Variants in DISC1 observed in about 807,000 individuals in gnomAD.
DISC1 encodes the protein disrupted in schizophrenia 1 protein.
Under a neutral mutation model 84.5 loss-of-function variants are expected in DISC1, and 57 were observed. That is an observed-to-expected ratio of 0.67 (90% CI 0.55 to 0.84). The LOEUF is 0.84. Ranked by LOEUF, DISC1 falls within the 40% of genes least tolerant of loss-of-function variation. DISC1 has a pLI of 0.00. For synonymous variants in DISC1, 411 were observed against 415.2 expected (o/e 0.99, Z 0.12); for missense variants, 1,000 against 1,057.8 (o/e 0.95, Z 0.76).
chr1:231,889,434 AT>A (rs2087036888), intron 9 of DISC1, among the ~76,000 whole-genome samples: 1 of 152,238 alleles, frequency 6.6e-6, no homozygotes, highest in South Asian at 2.1e-4. Context: ...GTAGAGTATC[AT>A]TTTCCAATCA....
At chr1:231,956,439 C>T (rs1391803355) in intron 9 of DISC1, among the ~76,000 whole-genome samples, 1 of 152,138 alleles carries the variant, frequency 6.6e-6, no homozygotes, top group Non-Finnish European at 1.5e-5. Context: ...ACATCTCCAT[C>T]ATCTTTTCCT....
intron 10 of DISC1, among the ~76,000 whole-genome samples, chr1:231,971,843 G>A (rs1234451665): frequency 6.6e-6 from 1 of 152,200 alleles, no homozygotes; most frequent in Non-Finnish European, 1.5e-5. Flanking sequence ...CACAAAAGCA[G>A]GGACTTTCAG....
intron 1 of DISC1, among the ~76,000 whole-genome samples, chr1:231,681,337 G>T (rs1419268639): frequency 6.6e-6 from 1 of 152,100 alleles, no homozygotes; most frequent in Non-Finnish European, 1.5e-5. Context: ...AGTTGAGACT[G>T]TATTGGTCAG....
chr1:231,653,939 C>T (rs527680010), intron 1 of DISC1, among the ~76,000 whole-genome samples: 8 of 152,196 alleles, frequency 5.3e-5, no homozygotes, highest in Non-Finnish European at 1.0e-4. Flanking sequence ...GAGCGGGCAG[C>T]ACAGTCATCA....
chr1:231,717,989 T>A (rs1416666233), intron 3 of DISC1, among the ~76,000 whole-genome samples: 1 of 152,170 alleles, frequency 6.6e-6, no homozygotes, highest in Non-Finnish European at 1.5e-5. Context: ...CCTCTTGCCA[T>A]ATCCCCTATT....
chr1:231,926,527 A>G (rs2126093772), intron 9 of DISC1, among the ~76,000 whole-genome samples: 1 of 152,280 alleles, frequency 6.6e-6, no homozygotes, highest in African/African-American at 2.4e-5. Context: ...TTGGATCTAG[A>G]GATGTAGCTG....
intron 9 of DISC1, chr1:231,945,182 C>T (rs1656917580): frequency 6.6e-6 from 1 of 152,176 alleles, no homozygotes; most frequent in African/African-American, 2.4e-5. Flanking sequence ...CCTCATCACA[C>T]TTATTCTAAA....
At chr1:231,828,313 A>C (rs534993895) in intron 9 of DISC1, among the ~76,000 whole-genome samples, 1 of 152,148 alleles carries the variant, frequency 6.6e-6, no homozygotes, top group East Asian at 1.9e-4. Context: ...GTATGTACCA[A>C]TCTTGTTGGG....
rs746443648 is a variant in DISC1, at chr1:232,036,820, G to A, written c.2554G>A (p.Ala852Thr). The part of the protein sequence containing the change: ...ASCMTAGVHE[A>T]QA ...CTGCATGACAGCTGGTGTCCACGAA[G>A]CACAAGCCTGAGGAGTGACGGGATG... The change falls in exon 13 of 13, where the codon GCA becomes ACA. Residue 852 changes from alanine (A) to threonine (T), a missense_variant. Around this residue, in one of 3 missense-constraint regions of DISC1, gnomAD observed 397 missense variants for 377.5 expected, o/e 1.05. Transcript: ENST00000439617. 1.3e-6 allele frequency: 2 copies of A among 1,566,902 alleles called. No individual in the cohort carries two copies. Among genetic ancestry groups the A allele is most frequent in the East Asian group, 2.3e-5 (1 of 42,630 alleles).
At chr1:231,961,337 A>G (rs1660350906) in intron 10 of DISC1, among the ~76,000 whole-genome samples, 1 of 152,212 alleles carries the variant, frequency 6.6e-6, no homozygotes, top group African/African-American at 2.4e-5. Context: ...TATGACCTAC[A>G]GTCAGATAAG....
chr1:231,844,328 G>T (rs1394183078), intron 9 of DISC1, among the ~76,000 whole-genome samples: 3 of 152,180 alleles, frequency 2.0e-5, no homozygotes, highest in African/African-American at 7.2e-5. Flanking sequence ...GTTTATTGTA[G>T]AGGATACAAC....
Position 231,982,547 on chromosome 1 carries a change from T to C in DISC1, c.2042+23659T>C, listed in dbSNP as rs1663764421. Among the ~76,000 whole-genome samples the C allele has an allele frequency of 2.6e-5, 4 of 152,150 alleles. No homozygotes were observed. The South Asian group carries it at 8.3e-4, about 32-fold the overall frequency. ...ACATTTCATTAAGCAGAGTGGCAGA[T>C]AAAAGAACAAGATAACTCAGATAGT... On this transcript the variant is annotated intron_variant, in intron 10 of 12. Coordinates refer to ENST00000439617, the MANE Select transcript of DISC1 (RefSeq NM_018662.3).
intron 9 of DISC1, among the ~76,000 whole-genome samples, chr1:231,848,048 C>T (rs992436921): frequency 5.9e-5 from 9 of 152,124 alleles, no homozygotes; most frequent in African/African-American, 2.2e-4. Flanking sequence ...AGGCAGTTTG[C>T]CTGAGGTCCC....
chr1:231,910,246 A>G (rs2089077156), intron 9 of DISC1, among the ~76,000 whole-genome samples: 1 of 151,988 alleles, frequency 6.6e-6, no homozygotes, highest in South Asian at 2.1e-4. Flanking sequence ...TTGCTTCTCT[A>G]GTTCTTTTAA....
chr1:231,655,373 T>C (rs1005469864), intron 1 of DISC1, among the ~76,000 whole-genome samples: 1 of 152,222 alleles, frequency 6.6e-6, no homozygotes, highest in Non-Finnish European at 1.5e-5. Flanking sequence ...CCTGAGTTAG[T>C]TCACTTAGAA....
At chr1:231,952,230 T>C (rs1444663265) in intron 9 of DISC1, among the ~76,000 whole-genome samples, 2 of 152,054 alleles carry the variant, frequency 1.3e-5, no homozygotes, top group African/African-American at 2.4e-5. Flanking sequence ...AGGACTCATA[T>C]CTGTTAATTT....
At position 232,031,407 on chromosome 1, in the gene DISC1, G is replaced by A. The variant is rs1670035868; in HGVS notation, c.2425+4855G>A. On this transcript the variant is annotated intron_variant, in intron 12 of 12. Coordinates refer to ENST00000439617, the MANE Select transcript of DISC1 (RefSeq NM_018662.3). The surrounding 1 kb of genome is among the most constrained non-coding windows in gnomAD (Gnocchi z 4.6). ...GGGAAAGGAAGAGAAGGGAAGAAGG[G>A]AAGGGAGAAGAGACAAGGGAAAGGA... 6.7e-6 allele frequency among the ~76,000 whole-genome samples: 1 copy of A among 149,914 alleles called. No individual in the cohort carries two copies. Among genetic ancestry groups the A allele is most frequent in the Non-Finnish European group, 1.5e-5 (1 of 67,374 alleles).
chr1:231,714,094 C>G (rs144937077), intron 3 of DISC1, among the ~76,000 whole-genome samples: 61 of 151,862 alleles, frequency 4.0e-4, no homozygotes, highest in African/African-American at 1.3e-3. Context: ...TTTTATCTAC[C>G]TGGAATGAGC....
intron 3 of DISC1, among the ~76,000 whole-genome samples, chr1:231,711,983 C>T (rs2067916180): frequency 6.6e-6 from 1 of 152,074 alleles, no homozygotes; most frequent in African/African-American, 2.4e-5. Context: ...GGGCATCATC[C>T]CAGATTATCT....
Sources: gnomAD v4.1 joint callset for allele counts (sites outside exome capture counted in the v4.1 genomes callset) on GRCh38, gnomAD v4.1.1 for gene constraint, gnomAD v4.1.1 regional missense constraint, Gnocchi (gnomAD v3.1) non-coding constraint, MANE v1.5 for transcripts, NCBI Gene and HGNC (gene_info 2026-07-23, HGNC 2026-07-21) for gene names.